OOSP4B: variants seen among roughly 807,000 people sequenced by gnomAD.
OOSP4B encodes the protein oocyte secreted protein family member 4B.
At chr11:60,022,987 T>A (rs1481041851) in intron 1 of OOSP4B, among the ~76,000 whole-genome samples, 1 of 152,222 alleles carries the variant, frequency 6.6e-6, no homozygotes, top group Admixed American at 6.5e-5. Flanking sequence ...GGTGGTAGTG[T>A]CTTATATAAA....
chr11:60,025,436 T>G (rs2134626942), intron 3 of OOSP4B, among the ~76,000 whole-genome samples: 1 of 152,364 alleles, frequency 6.6e-6, no homozygotes. Context: ...TGAGTAAGAC[T>G]GATTGCTGCA....
rs1256414001 is a variant in OOSP4B at position 60,017,316 on chromosome 11, G to T, written c.-76G>T. On this transcript the variant is annotated 5_prime_UTR_variant, in exon 1 of 5. It adds an upstream start codon to the 5' untranslated region. Transcript: ENST00000642343. ...TTGCAGACAGCTGAATGTGGCCAAA[G>T]GTTTATAAGCACTCAAGGAACCCCC... 2 of 398,494 alleles carry T rather than the reference G, an allele frequency of 5.0e-6. No individual in the cohort carries two copies. The highest frequency in any genetic ancestry group is 8.8e-6 in the Non-Finnish European group (2 of 226,106). 24.7% of individuals were successfully genotyped at this position (398,494 alleles called of 1,614,324 possible). A position where few individuals can be genotyped will look rare whatever the true frequency, so the allele number is the denominator to read the frequency against.
intron 4 of OOSP4B, 57 bp from the exon 5 acceptor site, chr11:60,030,745 T>G: frequency 2.5e-6 from 1 of 398,078 alleles, no homozygotes; most frequent in Non-Finnish European, 4.4e-6. Flanking sequence ...CGTGTTTTCT[T>G]TTTAGGTAAG....
chr11:60,023,802 T>C, intron 1 of OOSP4B, 78 bp from the exon 2 acceptor site: 1 of 397,728 alleles, frequency 2.5e-6, no homozygotes, highest in Non-Finnish European at 4.4e-6. Context: ...GTGTTATATT[T>C]GTCTGTCAGC....
At chr11:60,022,297 T>C (rs1395746406) in intron 1 of OOSP4B, 1 of 152,228 alleles carries the variant, frequency 6.6e-6, no homozygotes, top group Non-Finnish European at 1.5e-5. Context: ...CATTGTACCA[T>C]AGTCCTGCTG....
At chr11:60,023,322 GTA>G (rs1213236558) in intron 1 of OOSP4B, among the ~76,000 whole-genome samples, 6 of 152,128 alleles carry the variant, frequency 3.9e-5, no homozygotes, top group African/African-American at 1.4e-4. Context: ...CAGAAAATTA[GTA>G]TAAGAAATCT....
chr11:60,021,969 G>A (rs1277312373), intron 1 of OOSP4B: 1 of 120,810 alleles, frequency 8.3e-6, no homozygotes, highest in African/African-American at 3.2e-5. Flanking sequence ...GGGTGACAAA[G>A]CAAGACTCTA....
chr11:60,025,115 A>C (rs1015375630), intron 3 of OOSP4B, 110 bp downstream of exon 3: 14 of 393,932 alleles, frequency 3.6e-5, no homozygotes, highest in African/African-American at 2.7e-4. Context: ...GTATGGCATA[A>C]ATTTCTAAAG....
intron 3 of OOSP4B, among the ~76,000 whole-genome samples, chr11:60,029,207 G>C (rs1565050502): frequency 6.6e-6 from 1 of 152,156 alleles, no homozygotes. Context: ...TGCTGGCTTT[G>C]AGAGACGAGC....
At chr11:60,027,519 A>G (rs958823815) in intron 3 of OOSP4B, among the ~76,000 whole-genome samples, 3 of 151,940 alleles carry the variant, frequency 2.0e-5, no homozygotes, top group Non-Finnish European at 4.4e-5. Flanking sequence ...ATTAGCTGCT[A>G]TATTGTTATA....
intron 3 of OOSP4B, among the ~76,000 whole-genome samples, chr11:60,026,033 A>T (rs1854743843): frequency 6.6e-6 from 1 of 152,110 alleles, no homozygotes; most frequent in South Asian, 2.1e-4. Flanking sequence ...ACTCTGCATC[A>T]TCTGTCTTGA....
intron 1 of OOSP4B, among the ~76,000 whole-genome samples, chr11:60,022,741 TG>T (rs1299625078): frequency 6.6e-6 from 1 of 151,984 alleles, no homozygotes; most frequent in South Asian, 2.1e-4. Flanking sequence ...GATGAAGATG[TG>T]GTTTTTTTTT....
chr11:60,020,614 G>A (rs1004611204), intron 1 of OOSP4B, among the ~76,000 whole-genome samples: 2 of 152,224 alleles, frequency 1.3e-5, no homozygotes, highest in Non-Finnish European at 2.9e-5. Flanking sequence ...ACACCTCCCC[G>A]CAAGCTGAGG....
chr11:60,030,130 G>A (rs1278954605), intron 4 of OOSP4B, among the ~76,000 whole-genome samples: 1 of 152,044 alleles, frequency 6.6e-6, no homozygotes, highest in East Asian at 1.9e-4. Flanking sequence ...ACATGAATAG[G>A]TTCCATACTG....
At chr11:60,024,177 T>G in intron 2 of OOSP4B, 116 bp downstream of exon 2, 1 of 396,404 alleles carries the variant, frequency 2.5e-6, no homozygotes, top group Non-Finnish European at 4.4e-6. Flanking sequence ...TCTCTTGCAG[T>G]GATCAATTGT....
At chr11:60,029,999 T>C (rs951432456) in intron 4 of OOSP4B, 70 bp downstream of exon 4, 19 of 396,534 alleles carry the variant, frequency 4.8e-5, no homozygotes, top group Non-Finnish European at 8.4e-5. Flanking sequence ...AGGAAGGCAA[T>C]GATGTAAATT....
chr11:60,030,713 G>A (rs1160494932), intron 4 of OOSP4B, 89 bp from the exon 5 acceptor site: 3 of 396,708 alleles, frequency 7.6e-6, no homozygotes, highest in East Asian at 3.6e-5. Flanking sequence ...ACTTCTAATT[G>A]AGCACCCATG....
chr11:60,019,108 G>T (rs142607405), intron 1 of OOSP4B, among the ~76,000 whole-genome samples: 6 of 151,902 alleles, frequency 3.9e-5, no homozygotes, highest in African/African-American at 1.5e-4. Context: ...CTGTAATCCC[G>T]ACTACTCAGG....
rs1590593396 is a variant in OOSP4B, at chr11:60,024,077, C to T, written c.204+16C>T. ...CAAGAAAATTGTAAGTGCCATGATG[C>T]TTTTCCCTAAAACATATACTGAATT... On this transcript the variant is annotated intron_variant, in intron 2 of 4. Transcript: ENST00000642343. 5.0e-6 allele frequency: 2 copies of T among 398,472 alleles called. No individual in the cohort carries two copies. Among genetic ancestry groups the T allele is most frequent in the East Asian group, 7.1e-5 (2 of 28,042 alleles). The allele number at this position is 398,472 out of a possible 1,614,324, so 24.7% of individuals were successfully genotyped here.
Sources: gnomAD v4.1 joint callset for allele counts (sites outside exome capture counted in the v4.1 genomes callset) on GRCh38, gnomAD v4.1.1 for gene constraint, MANE v1.5 for transcripts, NCBI Gene and HGNC (gene_info 2026-07-23, HGNC 2026-07-21) for gene names.